OPCML: variants seen among roughly 807,000 people sequenced by gnomAD.
OPCML encodes the protein opioid binding protein/cell adhesion molecule like, also known as opioid-binding protein/cell adhesion molecule.
OPCML carries 13 observed loss-of-function variants against 37.8 expected under a neutral mutation model. That is an observed-to-expected ratio of 0.34 (90% confidence interval 0.22 to 0.55). The LOEUF (loss-of-function observed/expected upper bound fraction) is 0.55. Among genes scored for constraint, OPCML ranks in the 20% least tolerant of loss-of-function variants. The pLI, the probability that OPCML is intolerant of heterozygous loss-of-function variation, is 0.91. For synonymous variants in OPCML, 176 were observed against 168.8 expected, an observed-to-expected ratio of 1.04 and a Z score of -0.33; for missense variants, 341 against 435.6, an observed-to-expected ratio of 0.78 and a Z score of 1.93.
chr11:132,843,911 G>A (rs890105812), intron 2 of OPCML, among the ~76,000 whole-genome samples: 2 of 152,200 alleles, frequency 1.3e-5, no homozygotes, highest in Non-Finnish European at 2.9e-5. Context: ...TGGTTGATAT[G>A]GTTTGGCTGT....
At chr11:133,390,772 A>G (rs1432495443) in intron 1 of OPCML, among the ~76,000 whole-genome samples, 5 of 152,186 alleles carry the variant, frequency 3.3e-5, no homozygotes, top group Admixed American at 1.3e-4. Context: ...GAGGAGACTG[A>G]ACAAAAGAAG....
intron 1 of OPCML, among the ~76,000 whole-genome samples, chr11:133,271,247 T>A (rs1484130338): frequency 6.6e-6 from 1 of 152,192 alleles, no homozygotes; most frequent in Non-Finnish European, 1.5e-5. Flanking sequence ...TATCTCAATA[T>A]CCCAGAACCT....
chr11:132,469,882 AGG>A (rs145996040), intron 4 of OPCML, among the ~76,000 whole-genome samples: 49,646 of 103,492 alleles, frequency 0.48, 11,392 homozygotes, highest in East Asian at 0.86. Context: ...TATGTGTGGG[AGG>A]TGTGTGTGTG....
intron 4 of OPCML, among the ~76,000 whole-genome samples, chr11:132,512,311 T>G (rs77353371): frequency 2.0e-5 from 3 of 151,926 alleles, no homozygotes; most frequent in Non-Finnish European, 4.4e-5. Context: ...TTTGTAACGT[T>G]AAGTATAAAC....
intron 1 of OPCML, among the ~76,000 whole-genome samples, chr11:133,082,118 G>T (rs1343320197): frequency 6.6e-6 from 1 of 151,898 alleles, no homozygotes; most frequent in Admixed American, 6.6e-5. Flanking sequence ...AGCAGCTCCC[G>T]GCTCAGGGAC....
At position 133,313,740 on chromosome 11, in the gene OPCML, A is replaced by AC. The variant is rs572907988; in HGVS notation, c.61+218523dup. Among the ~76,000 whole-genome samples the AC allele has an allele frequency of 9.2e-5, 14 of 152,294 alleles. No individual in the cohort carries two copies. The East Asian group carries it at 2.7e-3, about 29-fold the overall frequency. ...GATCTTCTCCTAGAGTCCCAGAAAC[A>AC]CACACCATCCTACCGACACCCTGAT... On this transcript the variant is annotated intron_variant, in intron 1 of 7. Coordinates refer to ENST00000524381, the MANE Select transcript of OPCML (RefSeq NM_001012393.5).
intron 3 of OPCML, among the ~76,000 whole-genome samples, chr11:132,632,711 G>A (rs975657651): frequency 1.3e-5 from 2 of 152,016 alleles, no homozygotes; most frequent in African/African-American, 4.8e-5. Flanking sequence ...TTTGGTATGT[G>A]AGATATGTAT....
At chr11:132,663,165 T>C (rs1942058577) in intron 2 of OPCML, among the ~76,000 whole-genome samples, 1 of 152,242 alleles carries the variant, frequency 6.6e-6, no homozygotes. Context: ...ATTTATACTC[T>C]CATGTGTTAA....
chr11:133,244,987 G>A (rs1050231316), intron 1 of OPCML, among the ~76,000 whole-genome samples: 16 of 152,240 alleles, frequency 1.1e-4, no homozygotes, highest in Non-Finnish European at 2.1e-4. Flanking sequence ...CTGCTGCCCA[G>A]GAAATCTGTG....
intron 1 of OPCML, among the ~76,000 whole-genome samples, chr11:133,260,856 G>C (rs750869248): frequency 1.4e-5 from 2 of 146,024 alleles, no homozygotes; most frequent in Non-Finnish European, 3.0e-5. Flanking sequence ...TTTCTTCCTT[G>C]ATGCCTTAGT....
At chr11:132,650,590 A>G (rs1941380601) in intron 3 of OPCML, among the ~76,000 whole-genome samples, 1 of 152,060 alleles carries the variant, frequency 6.6e-6, no homozygotes, top group African/African-American at 2.4e-5. Flanking sequence ...ACACACACAC[A>G]CATACACACA....
intron 3 of OPCML, among the ~76,000 whole-genome samples, chr11:132,594,649 A>C (rs879599590): frequency 6.6e-6 from 1 of 152,218 alleles, no homozygotes; most frequent in Non-Finnish European, 1.5e-5. Flanking sequence ...AGAAAAAAGC[A>C]TAAGTTTTCA....
rs1293742147 is a variant in OPCML, at chr11:132,415,449, TTAAC to T, written c.*4740_*4743del. 6 of 152,200 alleles carry T rather than the reference TTAAC, an allele frequency of 3.9e-5. No individual in the cohort carries two copies. The highest frequency in any genetic ancestry group is 1.4e-4 in the African/African-American group (6 of 41,448). 9.4% of individuals were successfully genotyped at this position (152,200 alleles called of 1,614,324 possible). On this transcript the variant is annotated 3_prime_UTR_variant, in exon 8 of 8. Coordinates refer to ENST00000524381, the MANE Select transcript of OPCML (RefSeq NM_001012393.5). ...TTCCGAACGATTAAAAATGCTCCCTTTAACTAACACAAGGGCAGCTTGCAGTACA... is the reference window on the plus strand; with the variant it reads ...TTCCGAACGATTAAAAATGCTCCCTTTAACACAAGGGCAGCTTGCAGTACA...
intron 2 of OPCML, among the ~76,000 whole-genome samples, chr11:132,858,801 C>T (rs368962580): frequency 7.9e-5 from 12 of 152,166 alleles, no homozygotes; most frequent in Non-Finnish European, 1.2e-4. Flanking sequence ...TCTAAAAGTA[C>T]GTTCGCAAAC....
chr11:133,447,213 CT>C (rs1457417370), intron 1 of OPCML, among the ~76,000 whole-genome samples: 1 of 152,212 alleles, frequency 6.6e-6, no homozygotes, highest in Non-Finnish European at 1.5e-5. Flanking sequence ...TATTGTCTGT[CT>C]TTTTTTCTTC....
At chr11:132,544,624 G>A (rs1178087907) in intron 3 of OPCML, among the ~76,000 whole-genome samples, 1 of 152,120 alleles carries the variant, frequency 6.6e-6, no homozygotes, top group Non-Finnish European at 1.5e-5. Flanking sequence ...GGTTAATAAG[G>A]TTCACCAGCA....
At chr11:132,774,008 T>A (rs1946731624) in intron 2 of OPCML, among the ~76,000 whole-genome samples, 1 of 152,232 alleles carries the variant, frequency 6.6e-6, no homozygotes, top group Non-Finnish European at 1.5e-5. Context: ...CATAGCAGAA[T>A]AGCAAGGATT....
chr11:133,136,188 C>T (rs2137148770), intron 1 of OPCML, among the ~76,000 whole-genome samples: 1 of 152,248 alleles, frequency 6.6e-6, no homozygotes, highest in East Asian at 1.9e-4. Flanking sequence ...ATTTAGGTTT[C>T]TATTTGTGAA....
intron 1 of OPCML, among the ~76,000 whole-genome samples, chr11:133,093,195 A>G (rs930848791): frequency 6.6e-6 from 1 of 151,998 alleles, no homozygotes; most frequent in African/African-American, 2.4e-5. Flanking sequence ...CCCTGTACCC[A>G]ATGTGTAGTC....
Sources: gnomAD v4.1 joint callset for allele counts (sites outside exome capture counted in the v4.1 genomes callset) on GRCh38, gnomAD v4.1.1 for gene constraint, MANE v1.5 for transcripts, NCBI Gene and HGNC (gene_info 2026-07-23, HGNC 2026-07-21) for gene names.